PTPRD: variants seen among roughly 807,000 people sequenced by gnomAD.
PTPRD encodes receptor-type tyrosine-protein phosphatase delta.
A neutral mutation model predicts 214.5 loss-of-function variants in PTPRD; 34 were observed. The ratio of observed to expected loss-of-function variants is 0.16; its 90% CI spans 0.12 to 0.21. The LOEUF (loss-of-function observed/expected upper bound fraction) is 0.21. Ranked by LOEUF, PTPRD falls within the 10% of genes least tolerant of loss-of-function variation. The pLI is 1.00. For missense variants in PTPRD, 2,545 were observed against 2,398.7 expected (o/e 1.06, Z -1.27); for synonymous variants, 1,128 against 845.7 (o/e 1.33, Z -5.79).
At chr9:10,129,483 T>C (rs1349928220) in intron 3 of PTPRD, among the ~76,000 whole-genome samples, 1 of 144,860 alleles carries the variant, frequency 6.9e-6, no homozygotes, top group East Asian at 2.0e-4. Context: ...TTGGATTTTA[T>C]TCTCTTTTTT....
intron 36 of PTPRD, among the ~76,000 whole-genome samples, chr9:8,398,869 C>G (rs920447650): frequency 2.6e-5 from 4 of 152,076 alleles, no homozygotes; most frequent in African/African-American, 9.7e-5. Flanking sequence ...ATTACCCAGT[C>G]TGTGGTATTT....
At chr9:9,124,840 C>T (rs1233273336) in intron 10 of PTPRD, among the ~76,000 whole-genome samples, 1 of 152,178 alleles carries the variant, frequency 6.6e-6, no homozygotes, top group Non-Finnish European at 1.5e-5. Context: ...CCCTATATTA[C>T]ACAGATGTTA....
At chr9:8,893,644 A>G (rs1274438463) in intron 11 of PTPRD, among the ~76,000 whole-genome samples, 1 of 152,224 alleles carries the variant, frequency 6.6e-6, no homozygotes, top group Non-Finnish European at 1.5e-5. Context: ...TAAAGATGCA[A>G]TCATACTTCC....
intron 3 of PTPRD, among the ~76,000 whole-genome samples, chr9:10,298,854 A>G (rs921140210): frequency 6.6e-6 from 1 of 152,078 alleles, no homozygotes; most frequent in African/African-American, 2.4e-5. Context: ...TTAAGCACTG[A>G]AAATAGAGAC....
intron 2 of PTPRD, among the ~76,000 whole-genome samples, chr9:10,513,776 G>A (rs991777655): frequency 5.9e-5 from 9 of 152,070 alleles, no homozygotes; most frequent in Non-Finnish European, 1.3e-4. Context: ...ACTCACATTG[G>A]ACACACAGTG....
rs1299606828 is a variant in PTPRD at position 8,404,675 on chromosome 9, C to T, written c.4087-15G>A. ...GGGTCAATTGACTTTAAAAGGAAAA[C>T]AACACATATACACAAAATCAATACT... is the stretch of plus-strand genomic sequence containing the variant. On this transcript the variant is annotated splice_polypyrimidine_tract_variant and intron_variant, in intron 35 of 45. Transcript: ENST00000381196. 1.2e-5 allele frequency: 20 copies of T among 1,604,018 alleles called. No homozygotes were observed. The highest frequency in any genetic ancestry group is 1.5e-5 in the Non-Finnish European group (18 of 1,172,610).
At chr9:10,438,239 T>C (rs138677556) in intron 2 of PTPRD, among the ~76,000 whole-genome samples, 221 of 151,684 alleles carry the variant, frequency 1.5e-3, no homozygotes, top group African/African-American at 4.8e-3. Context: ...TCCAACTTTA[T>C]GGTCTAATTA....
At chr9:9,288,208 T>G (rs955853529) in intron 9 of PTPRD, among the ~76,000 whole-genome samples, 1 of 151,906 alleles carries the variant, frequency 6.6e-6, no homozygotes, top group Admixed American at 6.6e-5. Flanking sequence ...AGATTATTCA[T>G]CTACTCTAAA....
At chr9:10,056,678 T>G (rs987248361) in intron 3 of PTPRD, among the ~76,000 whole-genome samples, 1 of 152,084 alleles carries the variant, frequency 6.6e-6, no homozygotes, top group East Asian at 1.9e-4. Flanking sequence ...GTGATTCAGT[T>G]AAGTCAAGAG....
Position 9,306,896 on chromosome 9 carries a change from A to G in PTPRD, c.-203+90553T>C, listed in dbSNP as rs76795589. 3.7e-3 allele frequency among the ~76,000 whole-genome samples: 559 copies of G among 152,320 alleles called. 6 individuals are homozygous for G. Among genetic ancestry groups the G allele is most frequent in the African/African-American group, 0.013 (541 of 41,568 alleles). On this transcript the variant is annotated intron_variant, in intron 9 of 45. Coordinates refer to ENST00000381196, the MANE Select transcript of PTPRD (RefSeq NM_002839.4). ...AATGGTGTTTGGCATGTACATTTGA[A>G]TATCTCAAAAGCAGAGATTAATGCT... is the stretch of plus-strand genomic sequence containing the variant.
At chr9:9,890,764 C>A (rs2073024083) in intron 5 of PTPRD, among the ~76,000 whole-genome samples, 1 of 151,958 alleles carries the variant, frequency 6.6e-6, no homozygotes, top group South Asian at 2.1e-4. Context: ...GGTGTAATTT[C>A]CACCAATTGG....
At chr9:9,204,397 G>A (rs964941132) in intron 9 of PTPRD, among the ~76,000 whole-genome samples, 16 of 152,142 alleles carry the variant, frequency 1.1e-4, no homozygotes, top group Non-Finnish European at 2.2e-4. Context: ...AATGGATGAT[G>A]TTAATCTACT....
At chr9:10,162,427 G>A (rs1400117156) in intron 3 of PTPRD, among the ~76,000 whole-genome samples, 2 of 150,944 alleles carry the variant, frequency 1.3e-5, no homozygotes, top group African/African-American at 2.4e-5. Context: ...ATTATATTAA[G>A]TGAGATAAGC....
At chr9:8,913,379 A>G (rs2098761475) in intron 11 of PTPRD, among the ~76,000 whole-genome samples, 1 of 152,210 alleles carries the variant, frequency 6.6e-6, no homozygotes, top group South Asian at 2.1e-4. Context: ...TCTGTTGGAT[A>G]TTCACAAACA....
intron 5 of PTPRD, among the ~76,000 whole-genome samples, chr9:9,864,115 G>T (rs981815417): frequency 5.3e-5 from 8 of 152,124 alleles, no homozygotes; most frequent in African/African-American, 1.9e-4. Context: ...GACCAGCCTG[G>T]CCAACATGGT....
chr9:10,124,273 T>C (rs1170740815), intron 3 of PTPRD, among the ~76,000 whole-genome samples: 6 of 152,232 alleles, frequency 3.9e-5, no homozygotes, highest in Admixed American at 3.9e-4. Context: ...TAAGAATTAG[T>C]TCATATACAT....
intron 7 of PTPRD, among the ~76,000 whole-genome samples, chr9:9,622,324 G>C (rs1466268172): frequency 1.3e-5 from 2 of 152,124 alleles, no homozygotes; most frequent in Non-Finnish European, 1.5e-5. Flanking sequence ...CAATCAAGTA[G>C]TAATTTCAGA....
At chr9:9,386,188 C>T (rs189630247) in intron 9 of PTPRD, among the ~76,000 whole-genome samples, 12 of 152,216 alleles carry the variant, frequency 7.9e-5, no homozygotes, top group African/African-American at 2.6e-4. Context: ...CAATGACATG[C>T]ATCTTCTAGA....
intron 12 of PTPRD, among the ~76,000 whole-genome samples, chr9:8,715,251 G>A (rs1283243956): frequency 6.6e-6 from 1 of 152,108 alleles, no homozygotes; most frequent in Non-Finnish European, 1.5e-5. Context: ...TCTAATCGCT[G>A]CCAGGACCTC....
Sources: allele counts gnomAD v4.1 joint callset (sites outside exome capture counted in the v4.1 genomes callset), GRCh38; gene constraint gnomAD v4.1.1; transcripts MANE v1.5; gene names NCBI Gene and HGNC (gene_info 2026-07-23, HGNC 2026-07-21).